VAMP4: variants seen among roughly 807,000 people sequenced by gnomAD.
VAMP4 encodes the protein vesicle associated membrane protein 4.
Under a neutral mutation model 23.5 loss-of-function variants are expected in VAMP4, and 19 were observed. The observed-to-expected ratio is 0.81, with a 90% CI of 0.56 to 1.19. The LOEUF is 1.19. VAMP4 is among the 50% of genes most tolerant of loss of function. VAMP4 has a pLI of 0.00. For missense variants in VAMP4, 145 were observed against 168.6 expected, an observed-to-expected ratio of 0.86 and a Z score of 0.78; for synonymous variants, 31 against 51.0, an observed-to-expected ratio of 0.61 and a Z score of 1.67.
At chr1:171,726,396 G>A (rs1203231903) in intron 3 of VAMP4, among the ~76,000 whole-genome samples, 1 of 152,106 alleles carries the variant, frequency 6.6e-6, no homozygotes, top group Non-Finnish European at 1.5e-5. Flanking sequence ...TTCCTCTCAG[G>A]CATATAACCT....
intron 3 of VAMP4, among the ~76,000 whole-genome samples, chr1:171,723,952 G>A (rs1382135523): frequency 6.6e-6 from 1 of 152,182 alleles, no homozygotes; most frequent in Non-Finnish European, 1.5e-5. Context: ...GCTTCAGCCA[G>A]TCCCTCCATT....
At chr1:171,716,927 A>G (rs1655038156) in intron 4 of VAMP4, among the ~76,000 whole-genome samples, 1 of 152,196 alleles carries the variant, frequency 6.6e-6, no homozygotes, top group South Asian at 2.1e-4. Flanking sequence ...AGAGTAAAAA[A>G]CGCTATACTT....
chr1:171,738,522 T>A, intron 1 of VAMP4, 59 bp from the exon 2 acceptor site: 1 of 1,074,668 alleles, frequency 9.3e-7, no homozygotes, highest in Non-Finnish European at 1.4e-6. Flanking sequence ...CTAATGTACT[T>A]AAAACAGTGT....
At chr1:171,728,393 G>A (rs1572251800) in intron 3 of VAMP4, 131 bp downstream of exon 3, 5 of 653,854 alleles carry the variant, frequency 7.6e-6, no homozygotes, top group South Asian at 3.2e-5. Context: ...TCCACTGGGG[G>A]ATCTTGGAAG....
At chr1:171,728,457 A>G (rs1044770920) in intron 3 of VAMP4, 67 bp downstream of exon 3, 1 of 1,295,298 alleles carries the variant, frequency 7.7e-7, no homozygotes, top group Non-Finnish European at 1.1e-6. Context: ...TGTATACAGT[A>G]TATTTTAGAT....
At chr1:171,734,904 A>T (rs1355972264) in intron 2 of VAMP4, among the ~76,000 whole-genome samples, 1 of 152,118 alleles carries the variant, frequency 6.6e-6, no homozygotes, top group Non-Finnish European at 1.5e-5. Flanking sequence ...AAGCTTATTT[A>T]TTTGTATTAT....
intron 2 of VAMP4, 46 bp downstream of exon 2, chr1:171,738,303 C>T (rs1226256956): frequency 6.2e-7 from 1 of 1,602,760 alleles, no homozygotes; most frequent in East Asian, 2.2e-5. Context: ...GGAATGAAAA[C>T]ATATTTTGAA....
intron 1 of VAMP4, among the ~76,000 whole-genome samples, chr1:171,740,138 G>A (rs1374546960): frequency 1.3e-5 from 2 of 152,168 alleles, no homozygotes; most frequent in South Asian, 2.1e-4. Context: ...TAACGATAAC[G>A]TTAGTCACTA....
chr1:171,721,472 T>C (rs1655193745), intron 3 of VAMP4, among the ~76,000 whole-genome samples: 1 of 152,212 alleles, frequency 6.6e-6, no homozygotes, highest in African/African-American at 2.4e-5. Context: ...ACAAGGTTAA[T>C]TTACAAAATG....
rs1309011732 is a variant in VAMP4 at position 171,742,050 on chromosome 1, A to T, written c.-190T>A. The T allele has an allele frequency of 6.6e-6, 1 of 152,394 alleles. No individual in the cohort carries two copies. Among genetic ancestry groups the T allele is most frequent in the African/African-American group, 2.4e-5 (1 of 41,440 alleles). The allele number at this position is 152,394 out of a possible 1,614,324, so 9.4% of individuals were successfully genotyped here. ...CCGGCGTCGGCCGCAGCGCCGCAGC[A>T]GCGCCTCCGCTCATCGAGCCGATCG... On this transcript the variant is annotated 5_prime_UTR_variant, in exon 1 of 8. Coordinates refer to ENST00000236192, the MANE Select transcript of VAMP4 (RefSeq NM_003762.5).
In VAMP4 at chr1:171,705,195, A is replaced by G. The variant is rs75531777; in HGVS notation, c.398-661T>C. On this transcript the variant is annotated intron_variant, in intron 7 of 7. Transcript: ENST00000236192. ...GGTTTATATGTGTTTCTGTTTAAAG[A>G]CACTTTATTTAATATGTATTATTGA... Among the ~76,000 whole-genome samples the G allele has an allele frequency of 6.3e-3, 957 of 152,220 alleles. 7 individuals carry two copies. Among genetic ancestry groups the G allele is most frequent in the African/African-American group, 0.021 (882 of 41,558 alleles).
intron 1 of VAMP4, among the ~76,000 whole-genome samples, chr1:171,738,695 T>C (rs1486387531): frequency 6.6e-6 from 1 of 152,166 alleles, no homozygotes; most frequent in Non-Finnish European, 1.5e-5. Context: ...AGAGAACATG[T>C]GTAGGATATG....
In VAMP4 at chr1:171,704,408, A is replaced by G; in HGVS notation, c.*98T>C. The G allele has an allele frequency of 1.0e-6, 1 of 1,004,846 alleles. No individual in the cohort carries two copies. Among genetic ancestry groups the G allele is most frequent in the Non-Finnish European group, 1.4e-6 (1 of 737,408 alleles). 62.2% of individuals were successfully genotyped at this position (1,004,846 alleles called of 1,614,324 possible). A position where few individuals can be genotyped will look rare whatever the true frequency, so the allele number is the denominator to read the frequency against. Reference sequence around the variant, plus strand: ...TTGCCTCTTAGTTTCTTGAAAAAGAAGTTTTGAAAGTTATATACACATAGG... The same window carrying G: ...TTGCCTCTTAGTTTCTTGAAAAAGAGGTTTTGAAAGTTATATACACATAGG... On this transcript the variant is annotated 3_prime_UTR_variant, in exon 8 of 8. Transcript: ENST00000236192.
rs1183326572 is a variant in VAMP4, at chr1:171,703,057, C to A, written c.*1449G>T. On this transcript the variant is annotated 3_prime_UTR_variant, in exon 8 of 8. Coordinates refer to ENST00000236192, the MANE Select transcript of VAMP4 (RefSeq NM_003762.5). ...CTTTATTCATTTTGCATTAAGATGACCAAAGAAATAAAACCTAAATAAAAT... is the reference window on the plus strand; with the variant it reads ...CTTTATTCATTTTGCATTAAGATGAACAAAGAAATAAAACCTAAATAAAAT... 6.6e-6 allele frequency: 1 copy of A among 151,688 alleles called. No individual in the cohort carries two copies. Among genetic ancestry groups the A allele is most frequent in the African/African-American group, 2.4e-5 (1 of 41,364 alleles). 9.4% of individuals were successfully genotyped at this position (151,688 alleles called of 1,614,324 possible).
chr1:171,719,179 T>C lies in VAMP4; in HGVS notation c.156A>G (p.Lys52=). 6.2e-7 allele frequency: 1 copy of C among 1,611,652 alleles called. No homozygotes were observed. The highest frequency in any genetic ancestry group is 8.5e-7 in the Non-Finnish European group (1 of 1,178,828). ...SGPRFGPRND[K]IKHVQNQVDE... Reference sequence around the variant, plus strand: ...AAATGAACAAAACTTACTGCTTAATTTTATCATTTCTAGGTCCAAATCTTG... The same window carrying C: ...AAATGAACAAAACTTACTGCTTAATCTTATCATTTCTAGGTCCAAATCTTG... The change falls in exon 4 of 8, where the codon AAA becomes AAG. Residue 52 remains lysine, a synonymous_variant. Coordinates refer to ENST00000236192, the MANE Select transcript of VAMP4 (RefSeq NM_003762.5).
At position 171,703,969 on chromosome 1, in the gene VAMP4, GCAA is replaced by G. The variant is rs1004361655; in HGVS notation, c.*534_*536del. The G allele has an allele frequency of 3.9e-5, 6 of 152,264 alleles. No individual in the cohort carries two copies. Among genetic ancestry groups the G allele is most frequent in the African/African-American group, 1.5e-4 (6 of 41,354 alleles). 9.4% of individuals were successfully genotyped at this position (152,264 alleles called of 1,614,324 possible). ...GGAATGTTTTTAGTTATACCTGAGG[GCAA>G]CAACATTTACAACATTTAGCTTTTG... On this transcript the variant is annotated 3_prime_UTR_variant, in exon 8 of 8. Coordinates refer to ENST00000236192, the MANE Select transcript of VAMP4 (RefSeq NM_003762.5).
chr1:171,731,606 C>A (rs1558114295), intron 2 of VAMP4, among the ~76,000 whole-genome samples: 1 of 152,136 alleles, frequency 6.6e-6, no homozygotes, highest in Non-Finnish European at 1.5e-5. Context: ...GCATTCATTG[C>A]TGCAGGACTA....
At chr1:171,711,101 G>A (rs1004869536) in intron 4 of VAMP4, among the ~76,000 whole-genome samples, 3 of 152,010 alleles carry the variant, frequency 2.0e-5, no homozygotes, top group African/African-American at 7.2e-5. Flanking sequence ...CAGCATGCCC[G>A]TTAAGTACAG....
rs547313967 is a variant in VAMP4 at position 171,724,311 on chromosome 1, C to T, written c.113+4213G>A. Among the ~76,000 whole-genome samples the T allele has an allele frequency of 1.3e-3, 126 of 100,224 alleles. 1 individual carries two copies. Among genetic ancestry groups the T allele is most frequent in the African/African-American group, 4.5e-3 (110 of 24,606 alleles). The allele number at this position is 100,224 out of a possible 152,430, so 65.8% of individuals were successfully genotyped here. On this transcript the variant is annotated intron_variant, in intron 3 of 7. Coordinates refer to ENST00000236192, the MANE Select transcript of VAMP4 (RefSeq NM_003762.5). ...ACACAGGGTGGGGAACATCACACAC[C>T]GGGTCCTGTCATGGGGTGGGGGGAG... is the stretch of plus-strand genomic sequence containing the variant.
Sources: allele counts gnomAD v4.1 joint callset (sites outside exome capture counted in the v4.1 genomes callset), GRCh38; gene constraint gnomAD v4.1.1; transcripts MANE v1.5; gene names NCBI Gene and HGNC (gene_info 2026-07-23, HGNC 2026-07-21).